Variants in AOPEP observed in about 807,000 individuals in gnomAD.
AOPEP encodes the protein aminopeptidase O (putative).
Under a neutral mutation model 98.1 loss-of-function variants are expected in AOPEP, and 77 were observed. The observed-to-expected ratio is 0.78, with a 90% CI of 0.65 to 0.95. AOPEP has a LOEUF of 0.95. Among genes scored for constraint, AOPEP ranks in the 40% least tolerant of loss-of-function variants. The pLI, the probability that AOPEP is intolerant of heterozygous loss-of-function variation, is 0.00. For synonymous variants in AOPEP, 346 were observed against 365.3 expected (o/e 0.95, Z 0.60); for missense variants, 1,024 against 1,024.7 (o/e 1.00, Z 0.01).
At chr9:94,981,044 A>G (rs2060148961) in intron 11 of AOPEP, among the ~76,000 whole-genome samples, 2 of 152,346 alleles carry the variant, frequency 1.3e-5, no homozygotes, top group South Asian at 4.1e-4. Flanking sequence ...GGCCTGGAAC[A>G]AGAAGGCTGC....
chr9:94,943,581 G>T (rs2057258418), intron 7 of AOPEP, among the ~76,000 whole-genome samples: 2 of 148,830 alleles, frequency 1.3e-5, no homozygotes, highest in African/African-American at 5.0e-5. Context: ...GCGACAGAGT[G>T]GGACTCCATC....
chr9:95,004,437 G>GC (rs925120284), intron 11 of AOPEP, among the ~76,000 whole-genome samples: 4 of 151,868 alleles, frequency 2.6e-5, no homozygotes, highest in Admixed American at 2.6e-4. Flanking sequence ...CCCTGGCCTC[G>GC]CCCCCCGGGA....
At chr9:95,122,749 G>A in the AOPEP span, among the ~76,000 whole-genome samples, 1 of 152,222 alleles carries the variant, frequency 6.6e-6, no homozygotes, top group Non-Finnish European at 1.5e-5. Flanking sequence ...ACTCCTCCGT[G>A]GCCTCTGCTC....
chr9:94,952,867 T>G (rs2058202257), intron 7 of AOPEP, among the ~76,000 whole-genome samples: 1 of 152,150 alleles, frequency 6.6e-6, no homozygotes, highest in Non-Finnish European at 1.5e-5. Context: ...ACTTCTTCAT[T>G]TGGAGAGGAT....
At chr9:94,839,112 G>T (rs2041982599) in intron 5 of AOPEP, among the ~76,000 whole-genome samples, 1 of 136,258 alleles carries the variant, frequency 7.3e-6, no homozygotes, top group South Asian at 2.3e-4. Context: ...TTGAGAGGGA[G>T]TCTCACTCTG....
intron 13 of AOPEP, chr9:95,019,818 C>T (rs917224819): frequency 1.3e-5 from 2 of 152,192 alleles, no homozygotes; most frequent in African/African-American, 4.8e-5. Context: ...ATAAAGTCAC[C>T]ACCAGCAAGA....
chr9:94,850,109 C>G (rs942933484), intron 5 of AOPEP, among the ~76,000 whole-genome samples: 2 of 151,888 alleles, frequency 1.3e-5, no homozygotes, highest in Non-Finnish European at 2.9e-5. Flanking sequence ...AGAATGCTCA[C>G]TTGCCTGAGG....
At chr9:95,037,808 G>A (rs1308498171) in intron 13 of AOPEP, among the ~76,000 whole-genome samples, 1 of 152,184 alleles carries the variant, frequency 6.6e-6, no homozygotes, top group Non-Finnish European at 1.5e-5. Context: ...TGTAAGTAAT[G>A]TACCTCTCAG....
In AOPEP at chr9:94,899,770, A is replaced by G. The variant is rs991223050; in HGVS notation, c.1365-24216A>G. Among the ~76,000 whole-genome samples, 4 of 152,164 alleles carry G rather than the reference A, an allele frequency of 2.6e-5. No individual in the cohort carries two copies. The East Asian group carries it at 7.7e-4, about 29-fold the overall frequency. Reference sequence around the variant, plus strand: ...ATCTAAAAAAAAACAAACAAAAACAAAAATATAAAATTCTCAGAACAAAGA... The same window carrying G: ...ATCTAAAAAAAAACAAACAAAAACAGAAATATAAAATTCTCAGAACAAAGA... On this transcript the variant is annotated intron_variant, in intron 5 of 16. Transcript: ENST00000375315.
Position 94,855,839 on chromosome 9 carries a change from C to A in AOPEP, c.1364+54837C>A, listed in dbSNP as rs540673885. Among the ~76,000 whole-genome samples, 6 of 152,182 alleles carry A rather than the reference C, an allele frequency of 3.9e-5. No homozygotes were observed. In the South Asian group the frequency reaches 1.0e-3, roughly 26 times the overall value. ...AAATATATAAATTATCCTTATGTAA[C>A]CTACATTATACAAAGTCACAGGTGT... On this transcript the variant is annotated intron_variant, in intron 5 of 16. Transcript: ENST00000375315.
intron 5 of AOPEP, among the ~76,000 whole-genome samples, chr9:94,839,146 C>T (rs568163311): frequency 2.5e-4 from 38 of 149,868 alleles, no homozygotes; most frequent in African/African-American, 7.1e-4. Flanking sequence ...AGTGCAGTGG[C>T]GCGATTTCGG....
At chr9:94,867,060 C>T (rs1355444083) in intron 5 of AOPEP, among the ~76,000 whole-genome samples, 2 of 152,144 alleles carry the variant, frequency 1.3e-5, no homozygotes, top group East Asian at 3.8e-4. Context: ...GCTAATGACA[C>T]ATTAGTCCAT....
chr9:94,883,802 A>C (rs1478462774), intron 5 of AOPEP, among the ~76,000 whole-genome samples: 1 of 152,220 alleles, frequency 6.6e-6, no homozygotes, highest in Non-Finnish European at 1.5e-5. Context: ...TTAAAATGTT[A>C]AACATAAGTT....
At chr9:95,114,467 G>A in the AOPEP span, 1 of 739,106 alleles carries the variant, frequency 1.4e-6, no homozygotes, top group Non-Finnish European at 2.5e-6. Context: ...CATCCGTGCA[G>A]CCATGCGCTT....
chr9:95,141,178 G>A, the AOPEP span, among the ~76,000 whole-genome samples: 1 of 151,772 alleles, frequency 6.6e-6, no homozygotes, highest in Non-Finnish European at 1.5e-5. Flanking sequence ...AAGGCATGGT[G>A]GCACATGCCT....
In AOPEP at chr9:94,789,934, C is replaced by T. The variant is rs1419155120; in HGVS notation, c.965-2831C>T. Among the ~76,000 whole-genome samples, 10 of 151,204 alleles carry T rather than the reference C, an allele frequency of 6.6e-5. No homozygotes were observed. The East Asian group carries it at 1.2e-3, about 18-fold the overall frequency. On this transcript the variant is annotated intron_variant, in intron 3 of 16. Coordinates refer to ENST00000375315, the MANE Select transcript of AOPEP (RefSeq NM_001193329.3). Reference sequence around the variant, plus strand: ...TGTGGCCCAGGCGGGAGTGCAGTGGCGCAATCTCGGCTCACTGCAAGCTCC... The same window carrying T: ...TGTGGCCCAGGCGGGAGTGCAGTGGTGCAATCTCGGCTCACTGCAAGCTCC...
the AOPEP span, among the ~76,000 whole-genome samples, chr9:95,118,245 C>T: frequency 6.6e-6 from 1 of 152,254 alleles, no homozygotes; most frequent in East Asian, 1.9e-4. Context: ...TCTTGAACTC[C>T]TTAGCTTAAG....
chr9:94,985,436 T>C (rs77236884), intron 11 of AOPEP, among the ~76,000 whole-genome samples: 3,621 of 152,334 alleles, frequency 0.024, 281 homozygotes, highest in East Asian at 0.2. Flanking sequence ...GTAGTCACGA[T>C]GTGCTTTTAG....
At chr9:95,136,235 A>T in the AOPEP span, among the ~76,000 whole-genome samples, 117 of 151,048 alleles carry the variant, frequency 7.7e-4, no homozygotes, top group South Asian at 4.2e-3. Context: ...ACAAAAAAAA[A>T]TTTTTTTTTT....
Sources: gnomAD v4.1 joint callset for allele counts (sites outside exome capture counted in the v4.1 genomes callset) on GRCh38, gnomAD v4.1.1 for gene constraint, MANE v1.5 for transcripts, NCBI Gene and HGNC (gene_info 2026-07-23, HGNC 2026-07-21) for gene names.